The following HS3ST5 variants were observed in gnomAD, a reference collection of about 807,000 sequenced individuals.
The protein encoded by HS3ST5 is heparan sulfate-glucosamine 3-sulfotransferase 5, also known as heparan sulfate glucosamine 3-O-sulfotransferase 5.
HS3ST5 carries 10 observed loss-of-function variants against 25.4 expected under a neutral mutation model. The observed-to-expected ratio is 0.39, with a 90% CI of 0.24 to 0.67. The LOEUF is 0.67. Among genes scored for constraint, HS3ST5 ranks in the 30% least tolerant of loss-of-function variants. HS3ST5 has a pLI of 0.44. For synonymous variants in HS3ST5, 170 were observed against 162.4 expected (o/e 1.05, Z -0.36); for missense variants, 324 against 420.7 (o/e 0.77, Z 2.01).
rs111628912 is a variant in HS3ST5 at position 114,187,527 on chromosome 6, A to G, written c.-144-19065T>C. On this transcript the variant is annotated intron_variant, in intron 2 of 4. Coordinates refer to ENST00000312719, the MANE Select transcript of HS3ST5 (RefSeq NM_153612.4). ...CTTAATTGATGCAATTTCATGATCA[A>G]ACTTGAACGGATGAGGAGTTGCTTC... Among the ~76,000 whole-genome samples the G allele has an allele frequency of 3.5e-3, 532 of 152,330 alleles. 3 individuals carry two copies. The highest frequency in any genetic ancestry group is 0.012 in the African/African-American group (519 of 41,568).
At chr6:114,163,718 C>T (rs1779080746) in intron 3 of HS3ST5, among the ~76,000 whole-genome samples, 1 of 152,136 alleles carries the variant, frequency 6.6e-6, no homozygotes. Flanking sequence ...GCAGCTAACC[C>T]AGTACCTGGC....
chr6:114,113,558 C>G (rs1029876684), intron 3 of HS3ST5, among the ~76,000 whole-genome samples: 1 of 151,766 alleles, frequency 6.6e-6, no homozygotes, highest in Non-Finnish European at 1.5e-5. Context: ...TGTTTCAATT[C>G]GAGTGTCACC....
chr6:114,131,185 T>C (rs1306459621), intron 3 of HS3ST5: 1 of 152,212 alleles, frequency 6.6e-6, no homozygotes, highest in Non-Finnish European at 1.5e-5. Context: ...TGGAACCATT[T>C]TAATGTTCCA....
intron 1 of HS3ST5, among the ~76,000 whole-genome samples, chr6:114,284,757 A>T (rs1340945747): frequency 1.3e-5 from 2 of 151,950 alleles, no homozygotes; most frequent in Admixed American, 1.3e-4. Flanking sequence ...GCTGCTCCTT[A>T]TAACACACAC....
intron 3 of HS3ST5, among the ~76,000 whole-genome samples, chr6:114,110,559 A>G (rs1263911317): frequency 6.6e-6 from 1 of 152,226 alleles, no homozygotes; most frequent in Non-Finnish European, 1.5e-5. Context: ...GAATGGTGGT[A>G]CTAAACCCAA....
Position 114,057,475 on chromosome 6 carries a change from G to A in HS3ST5, c.823C>T (p.Leu275=), listed in dbSNP as rs267600771. Residue 275 remains leucine (L), a synonymous_variant, in exon 5 of 5, where the codon CTG becomes TTG. Transcript: ENST00000312719. ...TTGTATTGACTTATCCTTGGAGGCA[G>A]ATTTAGGAACTTCTCCACGAGCTGA... The part of the protein sequence containing the change: ...ELQLVEKFLN[L]PPRISQYNLY... The A allele has an allele frequency of 1.2e-6, 2 of 1,614,160 alleles. No individual in the cohort carries two copies. The highest frequency in any genetic ancestry group is 1.7e-6 in the Non-Finnish European group (2 of 1,180,016).
intron 4 of HS3ST5, among the ~76,000 whole-genome samples, chr6:114,062,365 C>G (rs1482503265): frequency 1.3e-5 from 2 of 152,152 alleles, no homozygotes; most frequent in Non-Finnish European, 2.9e-5. Flanking sequence ...AGTGTCCACT[C>G]ATAAATTTCA....
intron 1 of HS3ST5, among the ~76,000 whole-genome samples, chr6:114,229,092 G>T (rs1385357691): frequency 6.6e-6 from 1 of 152,084 alleles, no homozygotes; most frequent in Non-Finnish European, 1.5e-5. Flanking sequence ...TCTAAGTCAG[G>T]TTGATGAGGT....
intron 1 of HS3ST5, among the ~76,000 whole-genome samples, chr6:114,300,396 A>G (rs1292056694): frequency 1.3e-5 from 2 of 152,204 alleles, no homozygotes; most frequent in Non-Finnish European, 2.9e-5. Context: ...CAAGCACATG[A>G]GATGATGCTC....
At chr6:114,221,420 T>G (rs796932815) in intron 2 of HS3ST5, among the ~76,000 whole-genome samples, 1 of 151,892 alleles carries the variant, frequency 6.6e-6, no homozygotes, top group Non-Finnish European at 1.5e-5. Flanking sequence ...GGTTCCATAA[T>G]GACATACCTT....
At chr6:114,121,884 T>C (rs920143237) in intron 3 of HS3ST5, among the ~76,000 whole-genome samples, 6 of 152,240 alleles carry the variant, frequency 3.9e-5, no homozygotes, top group Non-Finnish European at 8.8e-5. Flanking sequence ...AATACAATTT[T>C]GGGTGATAAG....
intron 1 of HS3ST5, among the ~76,000 whole-genome samples, chr6:114,341,222 G>GGGGAGAGAGAGAGA (rs1776839835): frequency 1.7e-4 from 8 of 46,634 alleles, no homozygotes; most frequent in African/African-American, 7.5e-4. Context: ...GGAGAGAGGG[G>GGGGAGAGAGAGAGA]GAGAGAGAGA....
intron 3 of HS3ST5, among the ~76,000 whole-genome samples, chr6:114,134,093 A>T (rs1307313645): frequency 6.6e-6 from 1 of 152,132 alleles, no homozygotes; most frequent in Non-Finnish European, 1.5e-5. Context: ...TTGAGAGTAC[A>T]TTGAGTCAAG....
chr6:114,197,571 C>A (rs1406264181), intron 2 of HS3ST5, among the ~76,000 whole-genome samples: 1 of 151,968 alleles, frequency 6.6e-6, no homozygotes, highest in East Asian at 1.9e-4. Flanking sequence ...TTCTATTGAT[C>A]CCAACACTTA....
At chr6:114,233,749 T>C (rs1323613366) in intron 1 of HS3ST5, among the ~76,000 whole-genome samples, 2 of 152,194 alleles carry the variant, frequency 1.3e-5, no homozygotes, top group Admixed American at 6.5e-5. Context: ...TGGAAAACAG[T>C]TACCCCAAGT....
intron 2 of HS3ST5, among the ~76,000 whole-genome samples, chr6:114,172,642 T>G (rs1333110969): frequency 6.6e-6 from 1 of 152,230 alleles, no homozygotes; most frequent in Non-Finnish European, 1.5e-5. Flanking sequence ...CTAAAAGATT[T>G]TTAAATGACT....
At chr6:114,218,912 A>G (rs1392568022) in intron 2 of HS3ST5, among the ~76,000 whole-genome samples, 1 of 152,186 alleles carries the variant, frequency 6.6e-6, no homozygotes, top group African/African-American at 2.4e-5. Context: ...CCATACAGAA[A>G]TTTCTATTTA....
At chr6:114,120,802 G>C (rs545704647) in intron 3 of HS3ST5, among the ~76,000 whole-genome samples, 3 of 152,278 alleles carry the variant, frequency 2.0e-5, no homozygotes, top group South Asian at 2.1e-4. Context: ...CAAATGTATA[G>C]GTGAGGGTAG....
At chr6:114,189,596 T>C (rs1185171790) in intron 2 of HS3ST5, among the ~76,000 whole-genome samples, 1 of 152,204 alleles carries the variant, frequency 6.6e-6, no homozygotes, top group African/African-American at 2.4e-5. Context: ...ATATCTTTAC[T>C]TTTATCTTAT....
Sources: allele counts gnomAD v4.1 joint callset (sites outside exome capture counted in the v4.1 genomes callset), GRCh38; gene constraint gnomAD v4.1.1; transcripts MANE v1.5; gene names NCBI Gene and HGNC (gene_info 2026-07-23, HGNC 2026-07-21).